PROM1: variants seen among roughly 807,000 people sequenced by gnomAD.
PROM1 encodes prominin-1.
In PROM1, 105 loss-of-function variants were observed where a neutral mutation model predicts 116.9. That is an observed-to-expected ratio of 0.90 (90% CI 0.77 to 1.06). The LOEUF (loss-of-function observed/expected upper bound fraction) is 1.06. Ranked by LOEUF, PROM1 falls within the 50% of genes least tolerant of loss-of-function variation. The pLI is 0.00. For missense variants in PROM1, 1,122 were observed against 1,045.2 expected (o/e 1.07, Z -1.01); for synonymous variants, 393 against 387.0 (o/e 1.02, Z -0.18).
chr4:16,058,714 C>T (rs1424300336), intron 2 of PROM1, among the ~76,000 whole-genome samples: 7 of 150,456 alleles, frequency 4.7e-5, no homozygotes, highest in Non-Finnish European at 8.9e-5. Flanking sequence ...AAACTGTCCT[C>T]AGGAGTAATT....
intron 16 of PROM1, among the ~76,000 whole-genome samples, chr4:15,992,607 C>T (rs1721352310): frequency 6.6e-6 from 1 of 152,014 alleles, no homozygotes; most frequent in South Asian, 2.1e-4. Flanking sequence ...AAATTTTAAA[C>T]ATAAATTTAA....
intron 14 of PROM1, among the ~76,000 whole-genome samples, chr4:15,999,769 A>C (rs1473966668): frequency 6.6e-6 from 1 of 152,176 alleles, no homozygotes; most frequent in East Asian, 1.9e-4. Context: ...TCCTGATTTC[A>C]TAACAGATCT....
At position 16,018,654 on chromosome 4, in the gene PROM1, G is replaced by A; in HGVS notation, c.785-114C>T. 3.5e-6 allele frequency: 3 copies of A among 865,348 alleles called. No individual in the cohort carries two copies. In the South Asian group the frequency reaches 4.8e-5, roughly 14 times the overall value. The allele number at this position is 865,348 out of a possible 1,614,324, so 53.6% of individuals were successfully genotyped here. A position where few individuals can be genotyped will look rare whatever the true frequency, so the allele number is the denominator to read the frequency against. ...TAAATGACTTTAGATGGCAGTGAGA[G>A]GGACACACTGCAAGGGGCAGTCTGA... On this transcript the variant is annotated intron_variant, in intron 8 of 27. Transcript: ENST00000447510.
chr4:16,029,408 A>G (rs1732135684), intron 5 of PROM1, among the ~76,000 whole-genome samples: 1 of 152,092 alleles, frequency 6.6e-6, no homozygotes, highest in Non-Finnish European at 1.5e-5. Flanking sequence ...AGCGGTGACA[A>G]GCAAAAAGAA....
chr4:16,004,925 TCC>T (rs1418305620), intron 13 of PROM1, among the ~76,000 whole-genome samples: 1 of 99,370 alleles, frequency 1.0e-5, no homozygotes, highest in Non-Finnish European at 2.4e-5. Context: ...CTTCCTTCCT[TCC>T]TTCCTCTTTC....
intron 5 of PROM1, 28 bp downstream of exon 5, chr4:16,033,276 A>G: frequency 6.4e-7 from 1 of 1,567,196 alleles, no homozygotes; most frequent in Non-Finnish European, 8.7e-7. Context: ...CTAAAACACA[A>G]TCAGTTGTTG....
intron 8 of PROM1, among the ~76,000 whole-genome samples, 181 bp downstream of exon 8, chr4:16,023,144 CT>C (rs1730324296): frequency 6.6e-6 from 1 of 152,134 alleles, no homozygotes; most frequent in Non-Finnish European, 1.5e-5. Context: ...TTGGCACAAG[CT>C]TTAATAAAGA....
chr4:16,065,313 T>G (rs995701263), intron 2 of PROM1, among the ~76,000 whole-genome samples: 1 of 152,162 alleles, frequency 6.6e-6, no homozygotes, highest in South Asian at 2.1e-4. Context: ...TGTCTCAACT[T>G]GCATCATTCA....
In PROM1 at chr4:16,000,541, C is replaced by T. The variant is rs750722705; in HGVS notation, c.1533G>A (p.Val511=). 1.6e-5 allele frequency: 26 copies of T among 1,594,228 alleles called. No individual in the cohort carries two copies. In the Admixed American group the frequency reaches 2.7e-4, roughly 16 times the overall value. Reference sequence around the variant, plus strand: ...TGTAAGGTTCACAGATCAGTTTTTCCACATTTGCACCAAAGACAAAGGTAA... The same window carrying T: ...TGTAAGGTTCACAGATCAGTTTTTCTACATTTGCACCAAAGACAAAGGTAA... ...VVLTFVFGAN[V]EKLICEPYTS... is the part of the protein sequence containing the mutation. Residue 511 remains valine, a synonymous_variant, in exon 14 of 28, where the codon GTG becomes GTA. Coordinates refer to ENST00000447510, the MANE Select transcript of PROM1 (RefSeq NM_006017.3).
At chr4:16,020,944 T>C (rs2531173) in intron 8 of PROM1, among the ~76,000 whole-genome samples, 136,842 of 152,216 alleles carry the variant, frequency 0.9, 61,833 homozygotes, top group Middle Eastern at 0.95. Context: ...CTAAGGTTCT[T>C]AATTTTACTT....
chr4:16,033,678 C>G (rs1022902244), intron 4 of PROM1, among the ~76,000 whole-genome samples, 169 bp from the exon 5 acceptor site: 1 of 147,160 alleles, frequency 6.8e-6, no homozygotes, highest in Admixed American at 7.0e-5. Flanking sequence ...CAACCTCTGC[C>G]TCCTGGGTTC....
rs6850511 is a variant in PROM1, at chr4:15,999,254, G to T, written c.1579-766C>A. 9.2e-4 allele frequency among the ~76,000 whole-genome samples: 140 copies of T among 151,914 alleles called. 1 individual carries two copies. Among genetic ancestry groups the T allele is most frequent in the Middle Eastern group, 3.4e-3 (1 of 294 alleles). On this transcript the variant is annotated intron_variant, in intron 14 of 27. Coordinates refer to ENST00000447510, the MANE Select transcript of PROM1 (RefSeq NM_006017.3). The stretch of plus-strand genomic sequence containing the variant: ...TGGGAGGCCAAGGTGGGCAGATCAC[G>T]AGGTCAGGAGATCGAGACCATCCTG...
rs189410032 is a variant in PROM1, at chr4:16,055,716, T to C, written c.221-16715A>G. ...TCAACCTTGACGGTAATGAGAAATATATATTTTTAAAAATGCAATGTCATA... is the reference window on the plus strand; with the variant it reads ...TCAACCTTGACGGTAATGAGAAATACATATTTTTAAAAATGCAATGTCATA... On this transcript the variant is annotated intron_variant, in intron 2 of 27. Transcript: ENST00000447510. Among the ~76,000 whole-genome samples the C allele has an allele frequency of 7.2e-5, 11 of 152,298 alleles. 1 individual carries two copies. Among genetic ancestry groups the C allele is most frequent in the Non-Finnish European group, 1.3e-4 (9 of 68,034 alleles).
intron 19 of PROM1, among the ~76,000 whole-genome samples, chr4:15,989,387 T>C (rs971297218): frequency 6.6e-6 from 1 of 151,564 alleles, no homozygotes; most frequent in Non-Finnish European, 1.5e-5. Flanking sequence ...CCTTCACATA[T>C]TTCTAGACAA....
chr4:15,988,674 C>T (rs1720136954), intron 19 of PROM1, among the ~76,000 whole-genome samples: 1 of 152,030 alleles, frequency 6.6e-6, no homozygotes, highest in African/African-American at 2.4e-5. Context: ...CTGAAAAGGC[C>T]AAAGGGTCCT....
chr4:15,981,998 C>G (rs1354897475), intron 23 of PROM1, among the ~76,000 whole-genome samples: 1 of 152,230 alleles, frequency 6.6e-6, no homozygotes, highest in Non-Finnish European at 1.5e-5. Context: ...CCACTCACAT[C>G]TGCAAGGTGA....
At chr4:16,002,083 T>G (rs1724007451) in intron 13 of PROM1, among the ~76,000 whole-genome samples, 1 of 152,042 alleles carries the variant, frequency 6.6e-6, no homozygotes, top group Non-Finnish European at 1.5e-5. Context: ...GATGGGAAGT[T>G]GCATGATGGC....
At chr4:15,984,138 A>T (rs1718675154) in intron 23 of PROM1, 125 bp downstream of exon 23, 2 of 826,528 alleles carry the variant, frequency 2.4e-6, no homozygotes, top group South Asian at 3.6e-5. Context: ...ACTGATCAAA[A>T]TATTACATTT....
intron 5 of PROM1, among the ~76,000 whole-genome samples, chr4:16,027,323 C>G (rs564028864): frequency 1.6e-4 from 24 of 151,902 alleles, no homozygotes; most frequent in Non-Finnish European, 2.4e-4. Flanking sequence ...CACACACACA[C>G]AAAAGTTGAG....
Sources: allele counts gnomAD v4.1 joint callset (sites outside exome capture counted in the v4.1 genomes callset), GRCh38; gene constraint gnomAD v4.1.1; transcripts MANE v1.5; gene names NCBI Gene and HGNC (gene_info 2026-07-23, HGNC 2026-07-21).